FGF12: variants seen among roughly 807,000 people sequenced by gnomAD.
FGF12 encodes the protein fibroblast growth factor 12B.
FGF12 carries 14 observed loss-of-function variants against 23.6 expected under a neutral mutation model. That is an observed-to-expected ratio of 0.59 (90% CI 0.39 to 0.93). The LOEUF is 0.93. FGF12 is among the 40% of genes least tolerant of loss of function. FGF12 has a pLI of 0.00. For synonymous variants in FGF12, 62 were observed against 77.3 expected (o/e 0.80, Z 1.04); for missense variants, 175 against 217.8 (o/e 0.80, Z 1.24).
intron 2 of FGF12, among the ~76,000 whole-genome samples, chr3:192,450,894 T>C (rs1722502403): frequency 6.6e-6 from 1 of 152,218 alleles, no homozygotes; most frequent in South Asian, 2.1e-4. Context: ...GGTTACAGCT[T>C]CCTGTATATG....
chr3:192,142,273 T>C lies in FGF12; in HGVS notation c.*1736A>G, dbSNP rs1310820285. ...GATATGGTCCACTATTGAAGAATAA[T>C]GATTGTGTAAAGTGAGGGAAACTAT... is the stretch of plus-strand genomic sequence containing the variant. On this transcript the variant is annotated 3_prime_UTR_variant, in exon 6 of 6. Transcript: ENST00000445105. The C allele has an allele frequency of 1.3e-5, 2 of 152,472 alleles. No homozygotes were observed. Among genetic ancestry groups the C allele is most frequent in the Admixed American group, 6.6e-5 (1 of 15,262 alleles). The allele number at this position is 152,472 out of a possible 1,614,324, so 9.4% of individuals were successfully genotyped here. A position where few individuals can be genotyped will look rare whatever the true frequency, so the allele number is the denominator to read the frequency against.
At chr3:192,207,162 C>T (rs546231187) in intron 4 of FGF12, among the ~76,000 whole-genome samples, 9 of 152,036 alleles carry the variant, frequency 5.9e-5, no homozygotes, top group South Asian at 4.1e-4. Flanking sequence ...ATCAGTGAAA[C>T]GAAAATAATA....
chr3:192,494,269 G>C (rs1450011104), intron 2 of FGF12, among the ~76,000 whole-genome samples: 3 of 152,134 alleles, frequency 2.0e-5, no homozygotes. Context: ...CTTCATATCA[G>C]ATGTTTAACT....
intron 2 of FGF12, among the ~76,000 whole-genome samples, chr3:192,479,334 G>A (rs954936549): frequency 2.6e-5 from 4 of 152,130 alleles, no homozygotes; most frequent in Admixed American, 2.0e-4. Context: ...CTGAGCAGAT[G>A]CCCACCTGTC....
At chr3:192,147,599 T>C (rs946554902) in intron 5 of FGF12, among the ~76,000 whole-genome samples, 2 of 152,178 alleles carry the variant, frequency 1.3e-5, no homozygotes, top group African/African-American at 4.8e-5. Flanking sequence ...TTAAATTGAT[T>C]AACTAAATTT....
intron 2 of FGF12, among the ~76,000 whole-genome samples, chr3:192,492,841 G>A (rs1723838501): frequency 6.6e-6 from 1 of 151,998 alleles, no homozygotes; most frequent in African/African-American, 2.4e-5. Flanking sequence ...TTTCCTCTGG[G>A]TCAGTTCCAA....
At chr3:192,331,456 A>G (rs1717118537) in intron 4 of FGF12, among the ~76,000 whole-genome samples, 2 of 152,280 alleles carry the variant, frequency 1.3e-5, no homozygotes, top group East Asian at 3.9e-4. Flanking sequence ...TCAGTAGATG[A>G]ATAGATAAAC....
At chr3:192,490,737 A>G (rs1723777925) in intron 2 of FGF12, among the ~76,000 whole-genome samples, 1 of 152,154 alleles carries the variant, frequency 6.6e-6, no homozygotes, top group African/African-American at 2.4e-5. Context: ...ACATGCAACA[A>G]TAAGGATAGA....
chr3:192,338,633 G>A (rs1158987431), intron 3 of FGF12, among the ~76,000 whole-genome samples: 1 of 152,146 alleles, frequency 6.6e-6, no homozygotes, highest in Non-Finnish European at 1.5e-5. Flanking sequence ...CTCCCCAGCG[G>A]GTGTTGGCAG....
chr3:192,719,755 A>G (rs1191962788), intron 2 of FGF12, among the ~76,000 whole-genome samples: 1 of 148,950 alleles, frequency 6.7e-6, no homozygotes, highest in Non-Finnish European at 1.5e-5. Context: ...TCTAACCCCA[A>G]TTTATTATAA....
At chr3:192,668,131 A>G (rs1211803168) in intron 2 of FGF12, among the ~76,000 whole-genome samples, 1 of 152,158 alleles carries the variant, frequency 6.6e-6, no homozygotes, top group Non-Finnish European at 1.5e-5. Context: ...TAGAAATGGC[A>G]GATTAAGCAC....
chr3:192,685,349 C>G (rs1717693692), intron 2 of FGF12, among the ~76,000 whole-genome samples: 1 of 152,308 alleles, frequency 6.6e-6, no homozygotes, highest in African/African-American at 2.4e-5. Flanking sequence ...CTGTGCCTGG[C>G]CTACAAAGTT....
rs1299301956 is a variant in FGF12 at position 192,490,933 on chromosome 3, TG to T, written c.14-130396del. 9.2e-5 allele frequency among the ~76,000 whole-genome samples: 14 copies of T among 152,246 alleles called. No individual in the cohort carries two copies. The East Asian group carries it at 1.2e-3, about 13-fold the overall frequency. ...AGCTACCAGGATGCTGGGAATGTTCTGTTTTCTAATCTACGTCATAGTCACA... is the reference window on the plus strand; with the variant it reads ...AGCTACCAGGATGCTGGGAATGTTCTTTTTCTAATCTACGTCATAGTCACA... On this transcript the variant is annotated intron_variant, in intron 2 of 5. Coordinates refer to ENST00000445105, the MANE Select transcript of FGF12 (RefSeq NM_004113.6).
intron 4 of FGF12, among the ~76,000 whole-genome samples, chr3:192,331,248 C>T (rs879709673): frequency 6.3e-5 from 9 of 143,506 alleles, no homozygotes; most frequent in Non-Finnish European, 1.2e-4. Context: ...TTGGAACTTT[C>T]GTGCACTGTT....
chr3:192,290,648 G>C (rs988930445), intron 4 of FGF12, among the ~76,000 whole-genome samples: 2 of 152,062 alleles, frequency 1.3e-5, no homozygotes, highest in Non-Finnish European at 2.9e-5. Flanking sequence ...TGAGTAGCAG[G>C]GATGGGACTT....
chr3:192,376,226 C>A (rs1374165496), intron 2 of FGF12, among the ~76,000 whole-genome samples: 1 of 151,902 alleles, frequency 6.6e-6, no homozygotes, highest in African/African-American at 2.4e-5. Context: ...ATTGATTTGT[C>A]TGCTTTCATC....
intron 2 of FGF12, among the ~76,000 whole-genome samples, chr3:192,482,969 A>G (rs1401347307): frequency 1.3e-5 from 2 of 152,202 alleles, no homozygotes; most frequent in Admixed American, 6.6e-5. Context: ...TCTGAAGAAT[A>G]AAGTCCAAAT....
chr3:192,272,413 A>G (rs1158494486), intron 4 of FGF12, among the ~76,000 whole-genome samples: 1 of 152,186 alleles, frequency 6.6e-6, no homozygotes, highest in Admixed American at 6.6e-5. Context: ...AAGATAAAAA[A>G]CTACTTTAAA....
chr3:192,639,543 A>T (rs1197127456), intron 2 of FGF12, among the ~76,000 whole-genome samples: 1 of 152,230 alleles, frequency 6.6e-6, no homozygotes, highest in African/African-American at 2.4e-5. Flanking sequence ...AGATATGGAA[A>T]CAATGTAAGT....
Sources: allele counts gnomAD v4.1 joint callset (sites outside exome capture counted in the v4.1 genomes callset), GRCh38; gene constraint gnomAD v4.1.1; transcripts MANE v1.5; gene names NCBI Gene and HGNC (gene_info 2026-07-23, HGNC 2026-07-21).